The following KCNK13 variants were observed in gnomAD, a reference collection of about 807,000 sequenced individuals.
The protein encoded by KCNK13 is potassium channel subfamily K member 13.
Under a neutral mutation model 23.4 loss-of-function variants are expected in KCNK13, and 12 were observed. That is an observed-to-expected ratio of 0.51 (90% CI 0.33 to 0.83). KCNK13 has a LOEUF of 0.83. Ranked by LOEUF, KCNK13 falls within the 40% of genes least tolerant of loss-of-function variation. KCNK13 has a pLI of 0.02. For synonymous variants in KCNK13, 231 were observed against 229.5 expected (o/e 1.01, Z -0.06); for missense variants, 463 against 556.3 (o/e 0.83, Z 1.69).
intron 1 of KCNK13, among the ~76,000 whole-genome samples, chr14:90,135,787 G>T (rs1889929241): frequency 6.6e-6 from 1 of 152,128 alleles, no homozygotes; most frequent in Admixed American, 6.5e-5. Flanking sequence ...GTTGAGTGTA[G>T]GGATCTGGCA....
At chr14:90,142,139 A>G (rs946463992) in intron 1 of KCNK13, among the ~76,000 whole-genome samples, 31 of 151,496 alleles carry the variant, frequency 2.0e-4, no homozygotes, top group African/African-American at 7.5e-4. Flanking sequence ...GTAACTAGCG[A>G]TCTGCTCTCT....
chr14:90,128,538 G>A (rs746623385), intron 1 of KCNK13, among the ~76,000 whole-genome samples: 9 of 152,068 alleles, frequency 5.9e-5, no homozygotes, highest in South Asian at 4.2e-4. Flanking sequence ...CAAGCATAGC[G>A]GCAGAAATAA....
chr14:90,164,710 A>G (rs909154795), intron 1 of KCNK13, among the ~76,000 whole-genome samples: 2 of 152,182 alleles, frequency 1.3e-5, no homozygotes, highest in African/African-American at 4.8e-5. Flanking sequence ...TAACACATTT[A>G]TTTCAAGTCT....
chr14:90,083,544 G>A (rs1352694450), intron 1 of KCNK13, among the ~76,000 whole-genome samples: 1 of 152,096 alleles, frequency 6.6e-6, no homozygotes, highest in Non-Finnish European at 1.5e-5. Flanking sequence ...TAAAGAGGTG[G>A]GACCTTTAAG....
At chr14:90,152,084 C>A (rs896660872) in intron 1 of KCNK13, among the ~76,000 whole-genome samples, 1 of 152,316 alleles carries the variant, frequency 6.6e-6, no homozygotes, top group African/African-American at 2.4e-5. Flanking sequence ...CACCCATAAT[C>A]CTCACATGTT....
intron 1 of KCNK13, among the ~76,000 whole-genome samples, chr14:90,174,097 G>T (rs1890395523): frequency 6.6e-6 from 1 of 152,076 alleles, no homozygotes; most frequent in African/African-American, 2.4e-5. Context: ...ATGAGGTCAG[G>T]AGATGCAGAC....
intron 1 of KCNK13, among the ~76,000 whole-genome samples, chr14:90,181,055 C>T (rs987987522): frequency 2.6e-5 from 4 of 152,108 alleles, no homozygotes; most frequent in Admixed American, 2.6e-4. Context: ...CAGGGTTTCA[C>T]CAGGTTGGCC....
chr14:90,144,021 C>A (rs1454346338), intron 1 of KCNK13, among the ~76,000 whole-genome samples: 1 of 152,174 alleles, frequency 6.6e-6, no homozygotes. Flanking sequence ...TAACATTGTT[C>A]TTTTTCAAAG....
intron 1 of KCNK13, among the ~76,000 whole-genome samples, chr14:90,079,018 C>T (rs1016825970): frequency 1.3e-5 from 2 of 152,216 alleles, no homozygotes; most frequent in African/African-American, 4.8e-5. Flanking sequence ...GAGGTCTGCC[C>T]TGCAGGTACT....
intron 1 of KCNK13, among the ~76,000 whole-genome samples, chr14:90,063,372 A>G (rs1214361633): frequency 6.6e-6 from 1 of 152,148 alleles, no homozygotes; most frequent in East Asian, 1.9e-4. Flanking sequence ...CACAGCTACA[A>G]TCAGCTGTGT....
intron 1 of KCNK13, among the ~76,000 whole-genome samples, chr14:90,098,974 A>T (rs574717872): frequency 3.3e-5 from 5 of 152,072 alleles, no homozygotes; most frequent in African/African-American, 9.6e-5. Flanking sequence ...GCTGCTTGGG[A>T]GGCTAAGGCA....
intron 1 of KCNK13, among the ~76,000 whole-genome samples, chr14:90,175,922 G>A (rs925798146): frequency 6.6e-6 from 1 of 152,060 alleles, no homozygotes; most frequent in African/African-American, 2.4e-5. Flanking sequence ...CTTCTTACGT[G>A]GTGTCTAGGG....
intron 1 of KCNK13, among the ~76,000 whole-genome samples, chr14:90,167,438 C>T (rs1184565602): frequency 6.6e-6 from 1 of 152,114 alleles, no homozygotes; most frequent in Non-Finnish European, 1.5e-5. Flanking sequence ...AATCATGGAG[C>T]AACGCTGTCT....
chr14:90,139,235 T>G (rs910978789), intron 1 of KCNK13, among the ~76,000 whole-genome samples: 47 of 152,318 alleles, frequency 3.1e-4, no homozygotes, highest in African/African-American at 1.1e-3. Flanking sequence ...ACTGTGATGA[T>G]TGAATGCAGC....
intron 1 of KCNK13, among the ~76,000 whole-genome samples, chr14:90,100,731 G>A (rs879339832): frequency 2.9e-4 from 44 of 152,188 alleles, no homozygotes; most frequent in African/African-American, 8.9e-4. Context: ...TTGCTTTGTC[G>A]CGCAGGCTGG....
At chr14:90,175,272 C>T (rs1000387358) in intron 1 of KCNK13, among the ~76,000 whole-genome samples, 1 of 152,150 alleles carries the variant, frequency 6.6e-6, no homozygotes. Flanking sequence ...TATTTCCATG[C>T]TTGTGGGTTT....
At chr14:90,116,956 T>C (rs1341211551) in intron 1 of KCNK13, among the ~76,000 whole-genome samples, 1 of 152,230 alleles carries the variant, frequency 6.6e-6, no homozygotes, top group African/African-American at 2.4e-5. Context: ...CAGATACTAC[T>C]GAACCCTATA....
intron 1 of KCNK13, among the ~76,000 whole-genome samples, chr14:90,176,878 G>A (rs143620814): frequency 7.9e-5 from 12 of 152,194 alleles, no homozygotes; most frequent in Non-Finnish European, 1.3e-4. Context: ...AAATTAGCTC[G>A]GCATGGTGGC....
intron 1 of KCNK13, among the ~76,000 whole-genome samples, chr14:90,074,612 T>G (rs1233457878): frequency 6.6e-6 from 1 of 152,262 alleles, no homozygotes; most frequent in Non-Finnish European, 1.5e-5. Context: ...CATAGTGATT[T>G]GAGAATATGC....
Sources: allele counts gnomAD v4.1 joint callset (sites outside exome capture counted in the v4.1 genomes callset), GRCh38; gene constraint gnomAD v4.1.1; transcripts MANE v1.5; gene names NCBI Gene and HGNC (gene_info 2026-07-23, HGNC 2026-07-21).